PKD2L1: variants seen among roughly 807,000 people sequenced by gnomAD.
The protein encoded by PKD2L1 is polycystin 2 like 1, transient receptor potential cation channel, also known as polycystin-2-like protein 1.
Under a neutral mutation model 93.0 loss-of-function variants are expected in PKD2L1, and 77 were observed. That is an observed-to-expected ratio of 0.83 (90% CI 0.69 to 1.00). The LOEUF (loss-of-function observed/expected upper bound fraction) is 1.00. Ranked by LOEUF, PKD2L1 falls within the 50% of genes least tolerant of loss-of-function variation. The pLI is 0.00. For synonymous variants in PKD2L1, 390 were observed against 388.0 expected (o/e 1.01, Z -0.06); for missense variants, 977 against 990.9 (o/e 0.99, Z 0.19).
intron 9 of PKD2L1, among the ~76,000 whole-genome samples, chr10:100,293,936 G>A (rs952263951): frequency 6.6e-6 from 1 of 152,100 alleles, no homozygotes; most frequent in African/African-American, 2.4e-5. Context: ...GCAAAACACT[G>A]TCTCTACAAA....
intron 2 of PKD2L1, among the ~76,000 whole-genome samples, chr10:100,302,779 T>C (rs1848713213): frequency 6.6e-6 from 1 of 151,984 alleles, no homozygotes. Context: ...AAGAAAAAAA[T>C]TGAAAGCTAA....
At chr10:100,318,048 C>G (rs558691886) in intron 2 of PKD2L1, among the ~76,000 whole-genome samples, 2 of 152,006 alleles carry the variant, frequency 1.3e-5, no homozygotes, top group Non-Finnish European at 2.9e-5. Flanking sequence ...CCACTGCACT[C>G]CAGCCTGGGC....
At position 100,299,802 on chromosome 10, in the gene PKD2L1, G is replaced by A. The variant is rs538684592; in HGVS notation, c.350-84C>T. 30 of 1,282,452 alleles carry A rather than the reference G, an allele frequency of 2.3e-5. No homozygotes were observed. In the East Asian group the frequency reaches 6.7e-4, roughly 29 times the overall value. The allele number at this position is 1,282,452 out of a possible 1,614,324, so 79.4% of individuals were successfully genotyped here. On this transcript the variant is annotated intron_variant, in intron 2 of 15. Coordinates refer to ENST00000318222, the MANE Select transcript of PKD2L1 (RefSeq NM_016112.3). ...AGCCTATTGCCCTGGAGTCAGAGAT[G>A]CTTCCAAGATGGAAGCCCATCCCCC...
In PKD2L1 at chr10:100,329,363, C is replaced by T. The variant is rs910462987; in HGVS notation, c.236-39G>A. The stretch of plus-strand genomic sequence containing the variant: ...GAGAGATGCCTGGGATGCTCAGTGG[C>T]AGTGTTCCTCCCAGTCATCCCCACC... On this transcript the variant is annotated intron_variant, in intron 1 of 15. Transcript: ENST00000318222. 16 of 1,613,586 alleles carry T rather than the reference C, an allele frequency of 9.9e-6. No homozygotes were observed. The African/African-American group carries it at 1.1e-4, about 11-fold the overall frequency.
At chr10:100,300,905 G>A (rs1848660051) in intron 2 of PKD2L1, among the ~76,000 whole-genome samples, 1 of 151,852 alleles carries the variant, frequency 6.6e-6, no homozygotes. Flanking sequence ...GCACGATCTT[G>A]GCTCACCAAA....
chr10:100,306,026 A>G (rs1205680485), intron 2 of PKD2L1, among the ~76,000 whole-genome samples: 1 of 152,148 alleles, frequency 6.6e-6, no homozygotes, highest in Non-Finnish European at 1.5e-5. Context: ...CTACAAAAAA[A>G]ATACATAAAT....
At chr10:100,288,561 G>A (rs1848330552) in intron 15 of PKD2L1, 83 bp from the exon 16 acceptor site, 2 of 866,208 alleles carry the variant, frequency 2.3e-6, no homozygotes, top group Non-Finnish European at 4.0e-6. Flanking sequence ...TCACTGGGAA[G>A]TAGGAAGACA....
intron 2 of PKD2L1, among the ~76,000 whole-genome samples, chr10:100,315,092 AAGGGAAGGGAAGGGAAGGGAAGGG>A (rs1455877359): frequency 6.2e-5 from 7 of 113,630 alleles, no homozygotes; most frequent in African/African-American, 2.0e-4. Context: ...AAGGGAAGGG[AAGGGAAGGGAAGGGAAGGGAAGGG>A]AAGAGAAAAC....
intron 8 of PKD2L1, 122 bp downstream of exon 8, chr10:100,294,820 C>A (rs901825624): frequency 3.1e-6 from 4 of 1,300,018 alleles, no homozygotes; most frequent in Non-Finnish European, 4.3e-6. Context: ...TGGAGACCCT[C>A]ACACAGATGC....
Position 100,297,184 on chromosome 10 carries a change from TG to T in PKD2L1, c.980del (p.Thr327LysfsTer15), listed in dbSNP as rs1334638371. The T allele has an allele frequency of 6.2e-7, 1 of 1,613,854 alleles. No individual in the cohort carries two copies. The highest frequency in any genetic ancestry group is 1.3e-5 in the African/African-American group (1 of 74,906). ...VLRLVVEFPA[T>X]GGAIPSWQIR... ...TTTGCCAGGATGGGATGGCACCTCC[TG>T]TAGCTGGAAACTCCACCACCAGCCT... On this transcript the variant is annotated frameshift_variant, in exon 6 of 16. Transcript: ENST00000318222. LOFTEE classifies it high-confidence loss of function.
At chr10:100,299,101 C>T (rs1346556724) in intron 3 of PKD2L1, among the ~76,000 whole-genome samples, 1 of 152,112 alleles carries the variant, frequency 6.6e-6, no homozygotes, top group African/African-American at 2.4e-5. Context: ...GGATTTCAGG[C>T]ATGCATCACT....
In PKD2L1 at chr10:100,290,055, ATT is replaced by A. The variant is rs1848370497; in HGVS notation, c.2208_2209del (p.Lys736AsnfsTer43). The A allele has an allele frequency of 1.9e-6, 3 of 1,614,060 alleles. No homozygotes were observed. The African/African-American group carries it at 4.0e-5, about 22-fold the overall frequency. Reference sequence around the variant, plus strand: ...AGCCAGCCACCCCTTCCTCTCCAGCATTTTCAGCTTTGAGCCTACAGCATCAA... The same window carrying A: ...AGCCAGCCACCCCTTCCTCTCCAGCATTCAGCTTTGAGCCTACAGCATCAA... On this transcript the variant is annotated frameshift_variant, in exon 14 of 16. Transcript: ENST00000318222. LOFTEE classifies it high-confidence loss of function.
chr10:100,306,855 C>CCAAAAAAAAAA (rs539065568), intron 2 of PKD2L1, among the ~76,000 whole-genome samples: 1 of 49,868 alleles, frequency 2.0e-5, no homozygotes, highest in East Asian at 6.5e-4. Flanking sequence ...GAGACCCTGT[C>CCAAAAAAAAAA]AAAAAAAAAA....
intron 2 of PKD2L1, among the ~76,000 whole-genome samples, chr10:100,324,399 T>C (rs1849331093): frequency 6.6e-6 from 1 of 152,230 alleles, no homozygotes; most frequent in African/African-American, 2.4e-5. Flanking sequence ...GTAGTTTCAC[T>C]GCCCTAAAAA....
Position 100,306,855 on chromosome 10 carries a change from C to CAAAAAAAAAAAAAAAAAAAAAAAAAA in PKD2L1, c.350-7138_350-7137insTTTTTTTTTTTTTTTTTTTTTTTTTT, listed in dbSNP as rs61413476. Among the ~76,000 whole-genome samples, 15 of 49,844 alleles carry CAAAAAAAAAAAAAAAAAAAAAAAAAA rather than the reference C, an allele frequency of 3.0e-4. 1 individual carries two copies. Among genetic ancestry groups the CAAAAAAAAAAAAAAAAAAAAAAAAAA allele is most frequent in the African/African-American group, 1.6e-3 (14 of 8,684 alleles). 32.7% of individuals were successfully genotyped at this position (49,844 alleles called of 152,430 possible). A position where few individuals can be genotyped will look rare whatever the true frequency, so the allele number is the denominator to read the frequency against. ...CCTGGGCGAGAGAGTGAGACCCTGT[C>CAAAAAAAAAAAAAAAAAAAAAAAAAA]AAAAAAAAAAAAAAAAAAGAAAGAG... is the stretch of plus-strand genomic sequence containing the variant. On this transcript the variant is annotated intron_variant, in intron 2 of 15. Transcript: ENST00000318222.
chr10:100,325,367 G>A (rs1255048782), intron 2 of PKD2L1, among the ~76,000 whole-genome samples: 1 of 152,198 alleles, frequency 6.6e-6, no homozygotes, highest in Non-Finnish European at 1.5e-5. Context: ...GGACCTTGGA[G>A]AGCACCGAAG....
chr10:100,320,963 G>A (rs1029249768), intron 2 of PKD2L1, among the ~76,000 whole-genome samples: 3 of 152,210 alleles, frequency 2.0e-5, no homozygotes, highest in Non-Finnish European at 4.4e-5. Context: ...AAAAGCTGCA[G>A]CTATAGATAC....
At position 100,296,041 on chromosome 10, in the gene PKD2L1, AAAAAAAAG is replaced by A; in HGVS notation, c.1356+73_1356+80del. The A allele has an allele frequency of 2.2e-6, 3 of 1,363,738 alleles. No individual in the cohort carries two copies. In the East Asian group the frequency reaches 7.2e-5, roughly 33 times the overall value. The allele number at this position is 1,363,738 out of a possible 1,614,324, so 84.5% of individuals were successfully genotyped here. On this transcript the variant is annotated intron_variant, in intron 7 of 15. Transcript: ENST00000318222. The stretch of plus-strand genomic sequence containing the variant: ...AAGAGCGAGACTCCATCTCAAAAAA[AAAAAAAAG>A]AAAAAAAAGAAAAGAAAAGAAGGGA...
At chr10:100,306,137 AAAAC>A in intron 2 of PKD2L1, among the ~76,000 whole-genome samples, 1 of 152,226 alleles carries the variant, frequency 6.6e-6, no homozygotes, top group East Asian at 1.9e-4. Flanking sequence ...AACAAAAACA[AAAAC>A]AAACCAACCC....
Sources: allele counts gnomAD v4.1 joint callset (sites outside exome capture counted in the v4.1 genomes callset), GRCh38; gene constraint gnomAD v4.1.1; transcripts MANE v1.5; gene names NCBI Gene and HGNC (gene_info 2026-07-23, HGNC 2026-07-21).